COG3: variants seen among roughly 807,000 people sequenced by gnomAD.
COG3 encodes conserved oligomeric Golgi complex subunit 3.
A neutral mutation model predicts 114.1 loss-of-function variants in COG3; 32 were observed. The observed-to-expected ratio is 0.28, with a 90% confidence interval of 0.21 to 0.38. The LOEUF (loss-of-function observed/expected upper bound fraction) is 0.38, where lower values mean the gene tolerates loss of function less well. Ranked by LOEUF, COG3 falls within the 10% of genes least tolerant of loss-of-function variation. COG3 has a pLI of 1.00. For missense variants in COG3, 813 were observed against 973.2 expected (o/e 0.84, Z 2.19); for synonymous variants, 352 against 365.7 (o/e 0.96, Z 0.43).
At chr13:45,507,803 C>T (rs1175939835) in intron 14 of COG3, among the ~76,000 whole-genome samples, 8 of 148,286 alleles carry the variant, frequency 5.4e-5, no homozygotes, top group Admixed American at 4.7e-4. Flanking sequence ...GGTGTGGTGG[C>T]TCATGCCTGT....
chr13:45,493,713 A>T, intron 12 of COG3: 3 of 307,794 alleles, frequency 9.7e-6, no homozygotes, highest in Non-Finnish European at 1.8e-5. Context: ...GTAATAAAAT[A>T]ATTATAGTCA....
chr13:45,465,015 G>C lies in COG3; in HGVS notation c.-22G>C. The C allele has an allele frequency of 6.4e-7, 1 of 1,550,948 alleles. No homozygotes were observed. The highest frequency in any genetic ancestry group is 8.7e-7 in the Non-Finnish European group (1 of 1,149,388). On this transcript the variant is annotated 5_prime_UTR_variant, in exon 1 of 23. Coordinates refer to ENST00000349995, the MANE Select transcript of COG3 (RefSeq NM_031431.4). ...GGGTCCCCTCCATCTCGCTGCTGCT[G>C]AAGGCCGCGAGGGCGGCGGCGATGG...
intron 1 of COG3, chr13:45,466,369 G>A (rs1415929230): frequency 6.6e-6 from 1 of 152,156 alleles, no homozygotes; most frequent in Non-Finnish European, 1.5e-5. Context: ...ATTTGGAATT[G>A]TGTCCAAATG....
intron 8 of COG3, 85 bp from the exon 9 acceptor site, chr13:45,490,830 A>G (rs896529326): frequency 1.5e-6 from 1 of 659,932 alleles, no homozygotes; most frequent in Non-Finnish European, 2.4e-6. Context: ...TTTTCTGAAT[A>G]TGTGATACAA....
chr13:45,535,586 T>C lies in COG3; in HGVS notation c.*855T>C. 1.0e-6 allele frequency: 1 copy of C among 985,698 alleles called. No individual in the cohort carries two copies. Among genetic ancestry groups the C allele is most frequent in the Non-Finnish European group, 1.2e-6 (1 of 830,112 alleles). The allele number at this position is 985,698 out of a possible 1,614,324, so 61.1% of individuals were successfully genotyped here. A position where few individuals can be genotyped will look rare whatever the true frequency, so the allele number is the denominator to read the frequency against. ...ATGAAGGTTCAGGTCACCAGCCTTC[T>C]GTACACTGCCTTTGGTTTTAGCAGT... is the stretch of plus-strand genomic sequence containing the variant. On this transcript the variant is annotated 3_prime_UTR_variant, in exon 23 of 23. Transcript: ENST00000349995.
rs779109267 is a variant in COG3 at position 45,482,494 on chromosome 13, A to G, written c.717+21A>G. On this transcript the variant is annotated intron_variant, in intron 6 of 22. Coordinates refer to ENST00000349995, the MANE Select transcript of COG3 (RefSeq NM_031431.4). ...CTCATGTAAGTCAGAGTATTTTTGC[A>G]TGTTTTAAAGAAATCCTTAGATTCC... 4.1e-6 allele frequency: 5 copies of G among 1,205,682 alleles called. No individual in the cohort carries two copies. The South Asian group carries it at 5.3e-5, about 13-fold the overall frequency. 74.7% of individuals were successfully genotyped at this position (1,205,682 alleles called of 1,614,324 possible). A position where few individuals can be genotyped will look rare whatever the true frequency, so the allele number is the denominator to read the frequency against.
At chr13:45,475,358 A>G (rs1885794756) in intron 1 of COG3, among the ~76,000 whole-genome samples, 1 of 151,700 alleles carries the variant, frequency 6.6e-6, no homozygotes, top group South Asian at 2.1e-4. Flanking sequence ...CACCACACCC[A>G]GCTAATTTTT....
chr13:45,516,208 A>G lies in COG3; in HGVS notation c.1875A>G (p.Pro625=). ...HLLILREQIA[P]FHTEFTIKEI... ...TGATACTTCGTGAACAAATTGCTCC[A>G]TTTCACACTGAATTCACCATTAAGG... The change falls in exon 17 of 23, where the codon CCA becomes CCG. Residue 625 remains proline (P), a synonymous_variant. Transcript: ENST00000349995. The G allele has an allele frequency of 6.2e-7, 1 of 1,601,870 alleles. No homozygotes were observed. Among genetic ancestry groups the G allele is most frequent in the Non-Finnish European group, 8.5e-7 (1 of 1,171,320 alleles).
At chr13:45,481,552 A>G (rs1420681550) in intron 5 of COG3, among the ~76,000 whole-genome samples, 2 of 152,148 alleles carry the variant, frequency 1.3e-5, no homozygotes, top group East Asian at 3.8e-4. Context: ...TACCTCTTAT[A>G]GTTTCTTATT....
chr13:45,520,483 CAAG>C (rs1009938770), intron 19 of COG3, among the ~76,000 whole-genome samples: 2 of 152,014 alleles, frequency 1.3e-5, no homozygotes, highest in Non-Finnish European at 2.9e-5. Flanking sequence ...TATGAAATAA[CAAG>C]GAGACAGCTA....
At chr13:45,490,856 G>T in intron 8 of COG3, 59 bp from the exon 9 acceptor site, 1 of 875,164 alleles carries the variant, frequency 1.1e-6, no homozygotes, top group Non-Finnish European at 1.8e-6. Context: ...ATTATAATCA[G>T]AAAGTAATGG....
At position 45,518,995 on chromosome 13, in the gene COG3, T is replaced by G. The variant is rs1361090983; in HGVS notation, c.2055T>G (p.Ser685=). ...AGATAAGAGAACATTATCTTGACTC[T>G]AAAAAAGACGTAGACCGTCATCTGA... is the stretch of plus-strand genomic sequence containing the variant. ...TPEIREHYLD[S]KKDVDRHLKS... The change falls in exon 19 of 23, where the codon TCT becomes TCG. Residue 685 remains serine, a synonymous_variant. Transcript: ENST00000349995. The G allele has an allele frequency of 2.5e-6, 4 of 1,614,124 alleles. No homozygotes were observed. In the South Asian group the frequency reaches 4.4e-5, roughly 18 times the overall value.
At chr13:45,530,832 C>T (rs1009989368) in intron 22 of COG3, 52 bp downstream of exon 22, 3 of 1,565,102 alleles carry the variant, frequency 1.9e-6, no homozygotes, top group African/African-American at 2.7e-5. Flanking sequence ...TTGGTTATTT[C>T]ACCTGAGTAG....
At position 45,476,220 on chromosome 13, in the gene COG3, G is replaced by A; in HGVS notation, c.194G>A (p.Cys65Tyr). 1 of 1,613,206 alleles carries A rather than the reference G, an allele frequency of 6.2e-7. No homozygotes were observed. ...VPAELPIEDL[C>Y]SLTSQSLPIE... is the part of the protein sequence containing the mutation. Reference sequence around the variant, plus strand: ...TTCAAGCTTCCAATTGAAGACTTGTGCAGTTTAACATCCCAGTCACTGCCC... The same window carrying A: ...TTCAAGCTTCCAATTGAAGACTTGTACAGTTTAACATCCCAGTCACTGCCC... The change falls in exon 2 of 23, where the codon TGC (cysteine) becomes TAC (tyrosine). Residue 65 changes from cysteine to tyrosine, a missense_variant. Physicochemically the swap from Cys to Tyr is radical, Grantham distance 194. Coordinates refer to ENST00000349995, the MANE Select transcript of COG3 (RefSeq NM_031431.4).
At chr13:45,529,954 T>A in intron 21 of COG3, 36 bp downstream of exon 21, 4 of 1,585,760 alleles carry the variant, frequency 2.5e-6, no homozygotes, top group Non-Finnish European at 3.4e-6. Context: ...TGTTGGCGGG[T>A]GACTTCAAGT....
Position 45,489,208 on chromosome 13 carries a change from AAAAAG to A in COG3, c.925-1705_925-1701del, listed in dbSNP as rs1196499525. Reference sequence around the variant, plus strand: ...TTTCAAAAAAAAAAAAAAAAAAAAAAAAAAGAGCCAGCCAGTTGAAAGGAATTTTT... The same window carrying A: ...TTTCAAAAAAAAAAAAAAAAAAAAAAAGCCAGCCAGTTGAAAGGAATTTTT... On this transcript the variant is annotated intron_variant, in intron 8 of 22. Transcript: ENST00000349995. 2.3e-5 allele frequency among the ~76,000 whole-genome samples: 3 copies of A among 132,026 alleles called. No homozygotes were observed. The East Asian group carries it at 6.8e-4, about 30-fold the overall frequency. 86.6% of individuals were successfully genotyped at this position (132,026 alleles called of 152,430 possible).
At position 45,512,743 on chromosome 13, in the gene COG3, T is replaced by G. The variant is rs150349663; in HGVS notation, c.1809+889T>G. The stretch of plus-strand genomic sequence containing the variant: ...CCTGAGGTGAAGCAATTCTCCTGCT[T>G]CAGCTTCCTGAGCAACAGGACTACA... On this transcript the variant is annotated intron_variant, in intron 16 of 22. Coordinates refer to ENST00000349995, the MANE Select transcript of COG3 (RefSeq NM_031431.4). Among the ~76,000 whole-genome samples the G allele has an allele frequency of 4.6e-5, 7 of 152,194 alleles. No individual in the cohort carries two copies. In the East Asian group the frequency reaches 1.4e-3, roughly 29 times the overall value.
chr13:45,507,632 G>A (rs1031950559), intron 14 of COG3, among the ~76,000 whole-genome samples: 8 of 152,054 alleles, frequency 5.3e-5, no homozygotes, highest in African/African-American at 1.7e-4. Flanking sequence ...GGGTGTGGTG[G>A]CACATGCCTG....
intron 13 of COG3, among the ~76,000 whole-genome samples, chr13:45,498,760 G>A (rs148193776): frequency 1.6e-3 from 235 of 149,184 alleles, no homozygotes; most frequent in African/African-American, 5.3e-3. Flanking sequence ...TTTGTACTTG[G>A]GAAGCAGTTT....
Sources: allele counts gnomAD v4.1 joint callset (sites outside exome capture counted in the v4.1 genomes callset), GRCh38; gene constraint gnomAD v4.1.1; transcripts MANE v1.5; gene names NCBI Gene and HGNC (gene_info 2026-07-23, HGNC 2026-07-21).